The following BMP6 variants were observed in gnomAD, a reference collection of about 807,000 sequenced individuals.
The protein encoded by BMP6 is bone morphogenetic protein 6, also known as VG-1-R.
In BMP6, 17 loss-of-function variants were observed where a neutral mutation model predicts 54.1. The ratio of observed to expected loss-of-function variants is 0.31; its 90% CI spans 0.22 to 0.47. The LOEUF is 0.47. Among genes scored for constraint, BMP6 ranks in the 20% least tolerant of loss-of-function variants. The pLI is 1.00. For missense variants in BMP6, 720 were observed against 690.4 expected (o/e 1.04, Z -0.48); for synonymous variants, 328 against 291.2 (o/e 1.13, Z -1.28).
intron 4 of BMP6, among the ~76,000 whole-genome samples, chr6:7,866,093 T>C (rs1759419341): frequency 6.6e-6 from 1 of 152,234 alleles, no homozygotes; most frequent in South Asian, 2.1e-4. Flanking sequence ...GTGCACTGGA[T>C]AGTGGTTTGG....
chr6:7,857,007 C>T (rs931097654), intron 2 of BMP6, among the ~76,000 whole-genome samples: 1 of 152,098 alleles, frequency 6.6e-6, no homozygotes, highest in African/African-American at 2.4e-5. Context: ...GAAGCCTGTC[C>T]ACCAGGAGCT....
chr6:7,737,973 T>A (rs1169570282), intron 1 of BMP6, among the ~76,000 whole-genome samples: 1 of 152,262 alleles, frequency 6.6e-6, no homozygotes, highest in East Asian at 1.9e-4. Context: ...TTCTTCTTTT[T>A]TTTTTCTTCT....
intron 1 of BMP6, among the ~76,000 whole-genome samples, chr6:7,840,444 C>T (rs1009234710): frequency 1.3e-5 from 2 of 152,142 alleles, no homozygotes; most frequent in African/African-American, 4.8e-5. Context: ...TGCATACATC[C>T]TTTTGTATGT....
intron 1 of BMP6, among the ~76,000 whole-genome samples, chr6:7,744,126 C>T (rs540043078): frequency 6.6e-6 from 1 of 152,324 alleles, no homozygotes; most frequent in South Asian, 2.1e-4. Flanking sequence ...GGTATCTATT[C>T]TGTTTATCCA....
chr6:7,863,426 C>G (rs1017701086), intron 4 of BMP6, among the ~76,000 whole-genome samples: 10 of 152,106 alleles, frequency 6.6e-5, no homozygotes, highest in African/African-American at 2.4e-4. Context: ...ATATGGTGGC[C>G]AGGAAGGCAA....
intron 1 of BMP6, among the ~76,000 whole-genome samples, chr6:7,829,177 A>G (rs2113233601): frequency 6.6e-6 from 1 of 152,286 alleles, no homozygotes; most frequent in East Asian, 1.9e-4. Context: ...TTAAGCTGCC[A>G]CCCCATGAGA....
At chr6:7,827,127 C>G (rs1758709583) in intron 1 of BMP6, among the ~76,000 whole-genome samples, 1 of 152,186 alleles carries the variant, frequency 6.6e-6, no homozygotes, top group Non-Finnish European at 1.5e-5. Flanking sequence ...TTGATCTCAT[C>G]AATCTGTGAT....
At chr6:7,750,884 T>C (rs1172689462) in intron 1 of BMP6, among the ~76,000 whole-genome samples, 5 of 152,240 alleles carry the variant, frequency 3.3e-5, no homozygotes, top group Admixed American at 2.6e-4. Context: ...TGAGCTGTAA[T>C]TCTGCCCACC....
In BMP6 at chr6:7,766,785, A is replaced by G. The variant is rs1426819927; in HGVS notation, c.664+39166A>G. On this transcript the variant is annotated intron_variant, in intron 1 of 6. Transcript: ENST00000283147. ...CCTATCTTCTATGTCTTCATGGTAC[A>G]TGTGAAGACATTTTAGCTATCATTC... is the stretch of plus-strand genomic sequence containing the variant. Among the ~76,000 whole-genome samples the G allele has an allele frequency of 2.0e-5, 3 of 152,314 alleles. No individual in the cohort carries two copies. The East Asian group carries it at 5.8e-4, about 29-fold the overall frequency.
In BMP6 at chr6:7,730,661, ACT is replaced by A. The variant is rs1386076286; in HGVS notation, c.664+3045_664+3046del. 5.3e-5 allele frequency among the ~76,000 whole-genome samples: 8 copies of A among 152,294 alleles called. 1 individual carries two copies. The South Asian group carries it at 8.3e-4, about 16-fold the overall frequency. On this transcript the variant is annotated intron_variant, in intron 1 of 6. Transcript: ENST00000283147. ...AATGGGGTAAAATCTGATTGCCATG[ACT>A]CTGAACATAGGAAGGACAGTTCATT...
At position 7,727,054 on chromosome 6, in the gene BMP6, T is replaced by TGCCGCGGCCGCC. The variant is rs1361968790; in HGVS notation, c.105_116dup (p.Ala36_Ala39dup). 7 of 1,185,474 alleles carry TGCCGCGGCCGCC rather than the reference T, an allele frequency of 5.9e-6. No individual in the cohort carries two copies. The highest frequency in any genetic ancestry group is 4.0e-5 in the South Asian group (1 of 24,822). 73.4% of individuals were successfully genotyped at this position (1,185,474 alleles called of 1,614,324 possible). On this transcript the variant is annotated inframe_insertion, in exon 1 of 7. Transcript: ENST00000283147. The stretch of plus-strand genomic sequence containing the variant: ...CGCCGCTGCGGCCGCCCTTGCCCGC[T>TGCCGCGGCCGCC]GCCGCGGCCGCCGCCGCCGGGGGGC...
chr6:7,760,203 A>G (rs2113140459), intron 1 of BMP6, among the ~76,000 whole-genome samples: 1 of 151,932 alleles, frequency 6.6e-6, no homozygotes, highest in East Asian at 1.9e-4. Context: ...CTGGGATTAT[A>G]GGAATGAGCC....
intron 1 of BMP6, among the ~76,000 whole-genome samples, chr6:7,790,514 CAAAAAAAAAAA>C (rs35572440): frequency 0.012 from 866 of 73,448 alleles, 17 homozygotes; most frequent in East Asian, 0.042. Flanking sequence ...GACCCTGTCT[CAAAAAAAAAAA>C]AAAAAAAAAA....
intron 1 of BMP6, among the ~76,000 whole-genome samples, chr6:7,821,088 T>C (rs895818233): frequency 3.9e-5 from 6 of 152,214 alleles, no homozygotes; most frequent in African/African-American, 1.4e-4. Context: ...CCCTCTTCTA[T>C]GGGACATCAT....
chr6:7,731,403 G>A (rs1761855491), intron 1 of BMP6, among the ~76,000 whole-genome samples: 1 of 152,132 alleles, frequency 6.6e-6, no homozygotes, highest in Non-Finnish European at 1.5e-5. Context: ...ACCCACTTCT[G>A]TACCATGACA....
In BMP6 at chr6:7,862,547, T is replaced by A. The variant is rs769202046; in HGVS notation, c.1204+49T>A. On this transcript the variant is annotated intron_variant, in intron 4 of 6. Transcript: ENST00000283147. ...TTCCAGAAAGCCTTGTTGGCCTCAG[T>A]GAGAACAAAAGTTGTGTCCACAGTC... 4 of 1,605,356 alleles carry A rather than the reference T, an allele frequency of 2.5e-6. No homozygotes were observed. In the African/African-American group the frequency reaches 4.0e-5, roughly 16 times the overall value.
intron 4 of BMP6, among the ~76,000 whole-genome samples, chr6:7,869,595 A>T (rs377264311): frequency 1.6e-4 from 24 of 152,260 alleles, no homozygotes; most frequent in African/African-American, 5.1e-4. Flanking sequence ...TGCAGTTTTC[A>T]GTTTGCCTTG....
intron 2 of BMP6, among the ~76,000 whole-genome samples, chr6:7,849,398 A>C (rs1428448332): frequency 1.3e-5 from 2 of 152,176 alleles, no homozygotes; most frequent in Non-Finnish European, 1.5e-5. Context: ...AAAGTATTAT[A>C]TATTTGTCAG....
At chr6:7,870,615 CT>C (rs112705636) in intron 4 of BMP6, among the ~76,000 whole-genome samples, 8 of 151,654 alleles carry the variant, frequency 5.3e-5, no homozygotes, top group African/African-American at 1.7e-4. Flanking sequence ...TGTCTTGGAT[CT>C]TTTTTTTAAA....
Sources: gnomAD v4.1 joint callset for allele counts (sites outside exome capture counted in the v4.1 genomes callset) on GRCh38, gnomAD v4.1.1 for gene constraint, MANE v1.5 for transcripts, NCBI Gene and HGNC (gene_info 2026-07-23, HGNC 2026-07-21) for gene names.